Variants in ARB2A observed in about 807,000 individuals in gnomAD.
ARB2A encodes cotranscriptional regulator ARB2A.
chr5:93,960,515 C>T, the ARB2A span, among the ~76,000 whole-genome samples: 2 of 152,262 alleles, frequency 1.3e-5, no homozygotes, highest in Non-Finnish European at 2.9e-5. Flanking sequence ...AGAGTTCTCT[C>T]GTTTGTATCC....
At chr5:93,846,338 TAA>T in the ARB2A span, among the ~76,000 whole-genome samples, 8 of 140,838 alleles carry the variant, frequency 5.7e-5, no homozygotes, top group Admixed American at 7.1e-5. Context: ...ACCCTGTCTC[TAA>T]AAAAAAAAAA....
chr5:93,914,456 A>G, the ARB2A span, among the ~76,000 whole-genome samples: 2 of 151,990 alleles, frequency 1.3e-5, no homozygotes, highest in African/African-American at 4.8e-5. Context: ...TATCTTATTC[A>G]AAATAAATTG....
chr5:93,940,229 A>C, the ARB2A span, among the ~76,000 whole-genome samples: 1 of 152,112 alleles, frequency 6.6e-6, no homozygotes, highest in South Asian at 2.1e-4. Flanking sequence ...TCATTTTAAA[A>C]TATGAAAGTA....
chr5:93,632,627 G>T, the ARB2A span, among the ~76,000 whole-genome samples: 1 of 152,158 alleles, frequency 6.6e-6, no homozygotes, highest in South Asian at 2.1e-4. Flanking sequence ...TGTAGAGAAT[G>T]AGTTATGGGG....
the ARB2A span, among the ~76,000 whole-genome samples, chr5:93,996,832 A>G: frequency 6.6e-6 from 1 of 152,046 alleles, no homozygotes; most frequent in Non-Finnish European, 1.5e-5. Context: ...TACAATTCTT[A>G]ATCTTCTACT....
At chr5:93,817,216 A>C in the ARB2A span, among the ~76,000 whole-genome samples, 2 of 152,162 alleles carry the variant, frequency 1.3e-5, no homozygotes, top group Admixed American at 6.5e-5. Context: ...TATGAAAATA[A>C]AATAAACAAT....
the ARB2A span, among the ~76,000 whole-genome samples, chr5:93,842,157 A>C: frequency 6.6e-6 from 1 of 152,198 alleles, no homozygotes; most frequent in Admixed American, 6.5e-5. Flanking sequence ...AGGAAATGGG[A>C]GGAAGACTTT....
the ARB2A span, among the ~76,000 whole-genome samples, chr5:93,831,415 T>C: frequency 6.6e-6 from 1 of 152,134 alleles, no homozygotes; most frequent in South Asian, 2.1e-4. Flanking sequence ...CACTATCTAT[T>C]TCCAGGGATC....
chr5:93,842,112 T>G, the ARB2A span, among the ~76,000 whole-genome samples: 1 of 152,256 alleles, frequency 6.6e-6, no homozygotes, highest in Non-Finnish European at 1.5e-5. Flanking sequence ...GCCAAAACTA[T>G]AATGTTAGAA....
chr5:93,784,307 G>T, the ARB2A span: 9 of 913,170 alleles, frequency 9.9e-6, no homozygotes, highest in Middle Eastern at 2.2e-4. Context: ...GATGGGAGGT[G>T]TTACAGGTTG....
chr5:93,892,488 T>C, the ARB2A span, among the ~76,000 whole-genome samples: 3 of 152,220 alleles, frequency 2.0e-5, no homozygotes, highest in Non-Finnish European at 2.9e-5. Flanking sequence ...TTTTATAAGA[T>C]TCTTCTTAGC....
chr5:94,022,176 A>G, the ARB2A span, among the ~76,000 whole-genome samples: 59 of 152,348 alleles, frequency 3.9e-4, 1 homozygote, highest in African/African-American at 1.4e-3. Flanking sequence ...CTTGAGCAAC[A>G]GCAAGACTCT....
At chr5:93,903,066 T>C in the ARB2A span, among the ~76,000 whole-genome samples, 2 of 152,130 alleles carry the variant, frequency 1.3e-5, no homozygotes, top group South Asian at 2.1e-4. Flanking sequence ...AAGAGCATTT[T>C]ATAAATTGTA....
the ARB2A span, among the ~76,000 whole-genome samples, chr5:93,961,366 C>T: frequency 5.3e-5 from 8 of 152,140 alleles, no homozygotes; most frequent in Non-Finnish European, 8.8e-5. Context: ...GGAATACTGG[C>T]ACTTTGAAGT....
the ARB2A span, among the ~76,000 whole-genome samples, chr5:93,756,296 G>A: frequency 1.3e-5 from 2 of 152,178 alleles, no homozygotes; most frequent in Non-Finnish European, 2.9e-5. Flanking sequence ...AACCACCTTG[G>A]TAGCTGAAGG....
chr5:93,897,538 A>G, the ARB2A span, among the ~76,000 whole-genome samples: 1 of 152,004 alleles, frequency 6.6e-6, no homozygotes, highest in Admixed American at 6.6e-5. Flanking sequence ...TCATTTGCTA[A>G]AGTACTTTAA....
At chr5:93,658,274 T>C in the ARB2A span, among the ~76,000 whole-genome samples, 1 of 152,116 alleles carries the variant, frequency 6.6e-6, no homozygotes, top group Non-Finnish European at 1.5e-5. Flanking sequence ...AAGTTTAAGG[T>C]ACATTTAAAT....
At chr5:93,780,943 T>C in the ARB2A span, among the ~76,000 whole-genome samples, 1 of 152,232 alleles carries the variant, frequency 6.6e-6, no homozygotes, top group East Asian at 1.9e-4. Flanking sequence ...ACCTTTGTTC[T>C]GTGTGCTAAA....
At chr5:93,844,922 T>A in the ARB2A span, among the ~76,000 whole-genome samples, 1 of 152,214 alleles carries the variant, frequency 6.6e-6, no homozygotes, top group East Asian at 1.9e-4. Flanking sequence ...TGCTGCAGTA[T>A]CAGCTGAGGA....
Sources: allele counts gnomAD v4.1 joint callset (sites outside exome capture counted in the v4.1 genomes callset), GRCh38; gene constraint gnomAD v4.1.1; transcripts MANE v1.5; gene names NCBI Gene and HGNC (gene_info 2026-07-23, HGNC 2026-07-21).